Variants in SNTG1 observed in about 807,000 individuals in gnomAD.
SNTG1 encodes the protein syntrophin gamma 1.
Under a neutral mutation model 74.7 loss-of-function variants are expected in SNTG1, and 39 were observed. That is an observed-to-expected ratio of 0.52 (90% confidence interval 0.40 to 0.68). SNTG1 has a LOEUF of 0.68. Ranked by LOEUF, SNTG1 falls within the 30% of genes least tolerant of loss-of-function variation. The pLI, the probability that SNTG1 is intolerant of heterozygous loss-of-function variation, is 0.00. For missense variants in SNTG1, 685 were observed against 609.5 expected, an observed-to-expected ratio of 1.12 and a Z score of -1.30; for synonymous variants, 254 against 217.1, an observed-to-expected ratio of 1.17 and a Z score of -1.49.
intron 2 of SNTG1, among the ~76,000 whole-genome samples, chr8:50,222,094 G>T (rs1420308292): frequency 1.3e-5 from 2 of 152,138 alleles, no homozygotes; most frequent in Non-Finnish European, 2.9e-5. Context: ...GTGGAGAGTT[G>T]CAGGCAAAAG....
At chr8:50,021,016 C>T (rs1253062534) in intron 1 of SNTG1, among the ~76,000 whole-genome samples, 18 of 152,108 alleles carry the variant, frequency 1.2e-4, no homozygotes, top group Non-Finnish European at 2.5e-4. Flanking sequence ...TGACTAGGGG[C>T]TACTCTTAAT....
chr8:50,598,393 T>A (rs2094746714), intron 13 of SNTG1, among the ~76,000 whole-genome samples: 1 of 151,966 alleles, frequency 6.6e-6, no homozygotes, highest in African/African-American at 2.4e-5. Context: ...TGGCTATAAG[T>A]GTATTGATTT....
At chr8:50,268,587 A>G (rs2087602151) in intron 2 of SNTG1, among the ~76,000 whole-genome samples, 1 of 152,130 alleles carries the variant, frequency 6.6e-6, no homozygotes, top group Admixed American at 6.6e-5. Flanking sequence ...AGGGAGAGAT[A>G]CACAGATCAA....
At chr8:50,771,292 A>G (rs890706758) in intron 18 of SNTG1, among the ~76,000 whole-genome samples, 2 of 152,136 alleles carry the variant, frequency 1.3e-5, no homozygotes, top group African/African-American at 4.8e-5. Context: ...TGCCATTAGA[A>G]ATAAAAACAG....
intron 8 of SNTG1, among the ~76,000 whole-genome samples, chr8:50,454,225 G>A (rs1051834723): frequency 1.4e-4 from 21 of 152,140 alleles, no homozygotes; most frequent in African/African-American, 4.8e-4. Flanking sequence ...GGCCAGGTGC[G>A]GTGGCTCATG....
intron 1 of SNTG1, among the ~76,000 whole-genome samples, chr8:50,050,578 C>T (rs1379175561): frequency 6.6e-6 from 1 of 151,972 alleles, no homozygotes; most frequent in Non-Finnish European, 1.5e-5. Flanking sequence ...ATCCTAAGTA[C>T]AGATGCTTAA....
chr8:50,168,881 C>G (rs754818343), intron 1 of SNTG1, among the ~76,000 whole-genome samples: 2 of 152,154 alleles, frequency 1.3e-5, no homozygotes, highest in Admixed American at 1.3e-4. Flanking sequence ...ACTGCAGTAC[C>G]TGATTATGAA....
At chr8:50,327,670 C>T (rs1037583707) in intron 2 of SNTG1, among the ~76,000 whole-genome samples, 1 of 151,924 alleles carries the variant, frequency 6.6e-6, no homozygotes, top group African/African-American at 2.4e-5. Context: ...TTATTGATAC[C>T]ATTAGATAAA....
At chr8:50,573,927 G>C (rs759371458) in intron 12 of SNTG1, among the ~76,000 whole-genome samples, 3 of 151,742 alleles carry the variant, frequency 2.0e-5, no homozygotes, top group Non-Finnish European at 4.4e-5. Flanking sequence ...AAAAAATAAC[G>C]TGATAGAATC....
intron 2 of SNTG1, among the ~76,000 whole-genome samples, chr8:50,344,915 A>G (rs1382156157): frequency 6.6e-6 from 1 of 152,192 alleles, no homozygotes; most frequent in African/African-American, 2.4e-5. Flanking sequence ...CCCTAATCCA[A>G]TCAGAGTGGT....
intron 17 of SNTG1, among the ~76,000 whole-genome samples, chr8:50,709,721 A>C (rs1366964028): frequency 1.3e-5 from 2 of 152,190 alleles, no homozygotes; most frequent in African/African-American, 4.8e-5. Context: ...CCTTCTAGTC[A>C]CTGCTACAGT....
At chr8:49,927,431 T>C (rs1585531001) in intron 1 of SNTG1, among the ~76,000 whole-genome samples, 1 of 152,282 alleles carries the variant, frequency 6.6e-6, no homozygotes, top group Admixed American at 6.5e-5. Context: ...TTAAAATAAA[T>C]GAGTTATTAA....
At chr8:50,234,693 A>G (rs2085801138) in intron 2 of SNTG1, among the ~76,000 whole-genome samples, 1 of 152,118 alleles carries the variant, frequency 6.6e-6, no homozygotes, top group Non-Finnish European at 1.5e-5. Flanking sequence ...CTATAAAACC[A>G]TATCCTAAAT....
chr8:50,625,769 C>T (rs1033156396), intron 13 of SNTG1, among the ~76,000 whole-genome samples: 1 of 152,108 alleles, frequency 6.6e-6, no homozygotes, highest in Non-Finnish European at 1.5e-5. Flanking sequence ...TGTAGCAAGG[C>T]AGTTTTGATA....
chr8:50,471,013 T>A (rs1344196550), intron 8 of SNTG1, among the ~76,000 whole-genome samples: 4 of 152,118 alleles, frequency 2.6e-5, no homozygotes, highest in Non-Finnish European at 5.9e-5. Flanking sequence ...CACAGAATGC[T>A]GATTGGTGTG....
chr8:50,768,975 C>G (rs1194464776), intron 18 of SNTG1, among the ~76,000 whole-genome samples: 1 of 151,952 alleles, frequency 6.6e-6, no homozygotes, highest in Non-Finnish European at 1.5e-5. Context: ...GATATCTGGA[C>G]AAGATAGTGC....
chr8:50,555,251 T>C (rs1036831323), intron 12 of SNTG1, among the ~76,000 whole-genome samples: 2 of 152,352 alleles, frequency 1.3e-5, no homozygotes, highest in South Asian at 2.1e-4. Flanking sequence ...GTTATGTATT[T>C]CTTCTTTCAC....
chr8:50,071,987 C>A (rs1821410954), intron 1 of SNTG1, among the ~76,000 whole-genome samples: 1 of 151,970 alleles, frequency 6.6e-6, no homozygotes, highest in Non-Finnish European at 1.5e-5. Context: ...TATATTGTTC[C>A]TAGAAATTTA....
chr8:50,529,058 A>G (rs2094245048), intron 9 of SNTG1, among the ~76,000 whole-genome samples: 1 of 151,878 alleles, frequency 6.6e-6, no homozygotes, highest in Admixed American at 6.6e-5. Context: ...TCAAATGACT[A>G]CTTAAGATTC....
Sources: gnomAD v4.1 joint callset for allele counts (sites outside exome capture counted in the v4.1 genomes callset) on GRCh38, gnomAD v4.1.1 for gene constraint, MANE v1.5 for transcripts, NCBI Gene and HGNC (gene_info 2026-07-23, HGNC 2026-07-21) for gene names.